Variants in NOS1AP observed in about 807,000 individuals in gnomAD.
NOS1AP encodes carboxyl-terminal PDZ ligand of neuronal nitric oxide synthase protein.
In NOS1AP, 21 loss-of-function variants were observed where a neutral mutation model predicts 56.2. The observed-to-expected ratio is 0.37, with a 90% CI of 0.26 to 0.54. The LOEUF is 0.54. Ranked by LOEUF, NOS1AP falls within the 20% of genes least tolerant of loss-of-function variation. NOS1AP has a pLI of 0.84. For missense variants in NOS1AP, 522 were observed against 657.8 expected (o/e 0.79, Z 2.26); for synonymous variants, 270 against 274.6 (o/e 0.98, Z 0.17).
intron 2 of NOS1AP, among the ~76,000 whole-genome samples, chr1:162,275,631 C>T (rs1211012918): frequency 6.6e-6 from 1 of 152,194 alleles, no homozygotes; most frequent in Non-Finnish European, 1.5e-5. Context: ...AAACCTGCCT[C>T]ACATCACAGA....
At chr1:162,287,155 C>G (rs546859647) in intron 2 of NOS1AP, among the ~76,000 whole-genome samples, 189 bp from the exon 3 acceptor site, 1 of 152,140 alleles carries the variant, frequency 6.6e-6, no homozygotes, top group East Asian at 1.9e-4. Context: ...ATTCAGAGTC[C>G]CGTTTCTAAC....
intron 1 of NOS1AP, among the ~76,000 whole-genome samples, chr1:162,114,519 TC>T (rs1354435508): frequency 6.6e-6 from 1 of 152,140 alleles, no homozygotes; most frequent in Non-Finnish European, 1.5e-5. Context: ...CAAAATACTT[TC>T]ACAGCAATAC....
At chr1:162,226,934 TC>T (rs2101664039) in intron 2 of NOS1AP, among the ~76,000 whole-genome samples, 1 of 151,542 alleles carries the variant, frequency 6.6e-6, no homozygotes, top group East Asian at 1.9e-4. Context: ...TTTTTTTAAA[TC>T]CCCAGAGGGC....
chr1:162,086,602 T>C (rs1194765248), intron 1 of NOS1AP, among the ~76,000 whole-genome samples: 1 of 152,158 alleles, frequency 6.6e-6, no homozygotes, highest in East Asian at 1.9e-4. Flanking sequence ...CTGGGTACAC[T>C]GCTTCACTCT....
intron 2 of NOS1AP, among the ~76,000 whole-genome samples, chr1:162,192,110 C>T (rs570965225): frequency 6.6e-6 from 1 of 152,260 alleles, no homozygotes; most frequent in African/African-American, 2.4e-5. Flanking sequence ...CACCTGGGAA[C>T]TTGTTAGAAA....
intron 2 of NOS1AP, among the ~76,000 whole-genome samples, chr1:162,219,201 T>C (rs947120614): frequency 6.6e-6 from 1 of 152,218 alleles, no homozygotes; most frequent in Non-Finnish European, 1.5e-5. Flanking sequence ...ACCCACTTCA[T>C]TGGGTGGTTG....
Position 162,200,440 on chromosome 1 carries a change from C to A in NOS1AP, c.177+45964C>A, listed in dbSNP as rs938993744. Reference sequence around the variant, plus strand: ...ACTCCTTGGGCTGCAGGCTACCAGCCTTCCCTGGGTCCATGAAAATAGTTT... The same window carrying A: ...ACTCCTTGGGCTGCAGGCTACCAGCATTCCCTGGGTCCATGAAAATAGTTT... On this transcript the variant is annotated intron_variant, in intron 2 of 9. Transcript: ENST00000361897. Among the ~76,000 whole-genome samples, 14 of 152,198 alleles carry A rather than the reference C, an allele frequency of 9.2e-5. 1 individual carries two copies. Among genetic ancestry groups the A allele is most frequent in the Admixed American group, 8.5e-4 (13 of 15,284 alleles).
intron 2 of NOS1AP, among the ~76,000 whole-genome samples, chr1:162,248,191 G>T (rs2101688772): frequency 6.6e-6 from 1 of 152,110 alleles, no homozygotes. Context: ...CAAACACCAT[G>T]GTGTTTGACA....
chr1:162,185,688 A>G (rs1651410167), intron 2 of NOS1AP, among the ~76,000 whole-genome samples: 1 of 152,242 alleles, frequency 6.6e-6, no homozygotes, highest in South Asian at 2.1e-4. Flanking sequence ...AATCACTTAT[A>G]GGATAGTAAT....
At chr1:162,133,157 T>C (rs1648828899) in intron 1 of NOS1AP, among the ~76,000 whole-genome samples, 1 of 152,250 alleles carries the variant, frequency 6.6e-6, no homozygotes, top group South Asian at 2.1e-4. Flanking sequence ...GTGCTTATTA[T>C]ATTAGTACGC....
chr1:162,300,032 A>G (rs1376205610), intron 3 of NOS1AP, among the ~76,000 whole-genome samples: 1 of 152,098 alleles, frequency 6.6e-6, no homozygotes, highest in Admixed American at 6.5e-5. Flanking sequence ...TCATGGATGA[A>G]TGTGTTCTTC....
chr1:162,243,259 C>T lies in NOS1AP; in HGVS notation c.178-44085C>T, dbSNP rs151206114. On this transcript the variant is annotated intron_variant, in intron 2 of 9. Transcript: ENST00000361897. ...AGCTGGAAGAGGAAAGCATGCTTCT[C>T]AAGGTCCCATCAAGCACTGGCTAGA... Among the ~76,000 whole-genome samples, 910 of 152,184 alleles carry T rather than the reference C, an allele frequency of 6.0e-3. 29 individuals are homozygous for T. The highest frequency in any genetic ancestry group is 0.045 in the Admixed American group (688 of 15,282).
At chr1:162,305,345 A>AG (rs1158528741) in intron 4 of NOS1AP, among the ~76,000 whole-genome samples, 1 of 151,318 alleles carries the variant, frequency 6.6e-6, no homozygotes, top group Non-Finnish European at 1.5e-5. Context: ...GAATCTGAAG[A>AG]GGTTAACAAC....
At chr1:162,155,344 G>T (rs889694077) in intron 2 of NOS1AP, among the ~76,000 whole-genome samples, 3 of 135,718 alleles carry the variant, frequency 2.2e-5, no homozygotes, top group Non-Finnish European at 4.7e-5. Flanking sequence ...GTATGTATGT[G>T]TGTATATATG....
At chr1:162,074,223 G>T (rs1324581188) in intron 1 of NOS1AP, among the ~76,000 whole-genome samples, 3 of 152,136 alleles carry the variant, frequency 2.0e-5, no homozygotes, top group Non-Finnish European at 4.4e-5. Context: ...ATCAGTTAAT[G>T]ATATTTATTG....
chr1:162,310,395 C>T (rs1489783322), intron 4 of NOS1AP, among the ~76,000 whole-genome samples: 3 of 152,214 alleles, frequency 2.0e-5, no homozygotes, highest in African/African-American at 4.8e-5. Flanking sequence ...CTTTGCTAAA[C>T]TGAGGAAACT....
chr1:162,346,270 G>A (rs1018841697), intron 6 of NOS1AP, among the ~76,000 whole-genome samples: 3 of 152,080 alleles, frequency 2.0e-5, no homozygotes, highest in African/African-American at 7.2e-5. Flanking sequence ...TAGAACCAAA[G>A]GATCAGAAAC....
intron 4 of NOS1AP, chr1:162,317,322 T>C (rs1344889244): frequency 1.3e-5 from 2 of 152,228 alleles, no homozygotes; most frequent in Admixed American, 1.3e-4. Flanking sequence ...ACTCAAACAC[T>C]GTTAAAAATA....
intron 2 of NOS1AP, among the ~76,000 whole-genome samples, chr1:162,187,473 A>G (rs1451857017): frequency 6.6e-6 from 1 of 152,242 alleles, no homozygotes; most frequent in Non-Finnish European, 1.5e-5. Context: ...TTGTAGTTAC[A>G]TCACAAAATC....
Sources: allele counts gnomAD v4.1 joint callset (sites outside exome capture counted in the v4.1 genomes callset), GRCh38; gene constraint gnomAD v4.1.1; transcripts MANE v1.5; gene names NCBI Gene and HGNC (gene_info 2026-07-23, HGNC 2026-07-21).